ACTN1: variants seen among roughly 807,000 people sequenced by gnomAD.
The protein encoded by ACTN1 is alpha-actinin-1.
In ACTN1, 30 loss-of-function variants were observed where a neutral mutation model predicts 119.6. The observed-to-expected ratio is 0.25, with a 90% CI of 0.19 to 0.34. ACTN1 has a LOEUF of 0.34. Ranked by LOEUF, ACTN1 falls within the 10% of genes least tolerant of loss-of-function variation. ACTN1 has a pLI of 1.00. For synonymous variants in ACTN1, 429 were observed against 472.6 expected (o/e 0.91, Z 1.20); for missense variants, 764 against 1,223.4 (o/e 0.62, Z 5.60).
intron 1 of ACTN1, among the ~76,000 whole-genome samples, chr14:68,953,642 G>C (rs2036244141): frequency 6.6e-6 from 1 of 151,818 alleles, no homozygotes; most frequent in African/African-American, 2.4e-5. Context: ...ACTTTGGGAG[G>C]CCGAGGCAGG....
At chr14:68,941,992 A>G (rs1007032047) in intron 1 of ACTN1, among the ~76,000 whole-genome samples, 3 of 152,290 alleles carry the variant, frequency 2.0e-5, no homozygotes, top group African/African-American at 7.2e-5. Context: ...CAGCAGCCAC[A>G]TGACTTTGCA....
rs983966167 is a variant in ACTN1 at position 68,878,846 on chromosome 14, A to G, written c.2361+143T>C. The G allele has an allele frequency of 1.9e-6, 3 of 1,594,966 alleles. No homozygotes were observed. The highest frequency in any genetic ancestry group is 3.3e-5 in the Admixed American group (2 of 59,798). ...AGAGGGTGGACCAGTGATGGGGCAG[A>G]CAGAGACAGCAGGAGAGGACGAGCC... On this transcript the variant is annotated intron_variant, in intron 19 of 21. Transcript: ENST00000394419. The surrounding 1 kb of genome is among the most constrained non-coding windows in gnomAD (Gnocchi z 4.4).
chr14:68,915,797 A>G (rs1055200159), intron 3 of ACTN1, among the ~76,000 whole-genome samples: 5 of 152,218 alleles, frequency 3.3e-5, no homozygotes, highest in Non-Finnish European at 2.9e-5. Context: ...GGGACAGATC[A>G]CTTGAGGTCA....
intron 1 of ACTN1, among the ~76,000 whole-genome samples, chr14:68,950,841 A>G (rs2140537623): frequency 6.6e-6 from 1 of 152,186 alleles, no homozygotes; most frequent in East Asian, 1.9e-4. Context: ...GATTACAGGC[A>G]TGAGCCACCA....
intron 8 of ACTN1, among the ~76,000 whole-genome samples, chr14:68,895,959 A>G (rs1222968223): frequency 1.3e-5 from 2 of 152,132 alleles, no homozygotes; most frequent in African/African-American, 4.8e-5. Flanking sequence ...ATCCAACCGC[A>G]TTCCCAAGCC....
At position 68,874,810 on chromosome 14, in the gene ACTN1, T is replaced by A. The variant is rs753420287; in HGVS notation, c.*49A>T. On this transcript the variant is annotated 3_prime_UTR_variant, in exon 22 of 22. Transcript: ENST00000394419. ...GGCAGGAGATGGGCGACGGCGGAGG[T>A]GCAAGGCAGGGCACGGCGCACAAGA... 6.7e-7 allele frequency: 1 copy of A among 1,487,642 alleles called. No homozygotes were observed. 92.2% of individuals were successfully genotyped at this position (1,487,642 alleles called of 1,614,324 possible).
At chr14:68,933,192 G>A (rs2035313000) in intron 1 of ACTN1, among the ~76,000 whole-genome samples, 1 of 152,102 alleles carries the variant, frequency 6.6e-6, no homozygotes, top group Admixed American at 6.5e-5. Context: ...GGAGTGCAGT[G>A]GTGCGATCTC....
chr14:68,923,389 G>C (rs191063818), intron 2 of ACTN1, among the ~76,000 whole-genome samples: 5 of 152,314 alleles, frequency 3.3e-5, no homozygotes, highest in South Asian at 2.1e-4. Flanking sequence ...TTAGGGGAGA[G>C]AGGAAGGGTG....
intron 1 of ACTN1, 93 bp downstream of exon 1, chr14:68,978,859 T>G: frequency 4.6e-6 from 4 of 863,230 alleles, no homozygotes; most frequent in Admixed American, 3.2e-5. Context: ...CCGGAACCGG[T>G]TCAGAGCCCG....
Position 68,910,047 on chromosome 14 carries a change from G to A in ACTN1, c.428-5C>T. 1 of 1,612,842 alleles carries A rather than the reference G, an allele frequency of 6.2e-7. No individual in the cohort carries two copies. The highest frequency in any genetic ancestry group is 1.1e-5 in the South Asian group (1 of 90,994). ...GCCCTTCCTTGGCTGAAGTCTCTAT[G>A]GGGAAGGGGATGGGCAGCGAGGTCA... On this transcript the variant is annotated splice_polypyrimidine_tract_variant and splice_region_variant and intron_variant, in intron 4 of 21. Coordinates refer to ENST00000394419, the MANE Select transcript of ACTN1 (RefSeq NM_001130004.2).
rs2031857304 is a variant in ACTN1, at chr14:68,884,830, C to A, written c.1439G>T (p.Cys480Phe). 6.2e-7 allele frequency: 1 copy of A among 1,614,080 alleles called. No homozygotes were observed. Among genetic ancestry groups the A allele is most frequent in the African/African-American group, 1.3e-5 (1 of 74,930 alleles). ...PSVNARCQKICDQWDNLGALT... is the reference protein window; with the variant it reads ...PSVNARCQKIFDQWDNLGALT... ...GGCCCCCAGATTGTCCCACTGGTCA[C>A]AGATCTTTTGGCAACGGGCGTTGAC... The change falls in exon 13 of 22, where the codon TGT (cysteine) becomes TTT (phenylalanine). Residue 480 changes from cysteine to phenylalanine, a missense_variant. Transcript: ENST00000394419.
In ACTN1 at chr14:68,874,989, C is replaced by T. The variant is rs771575455; in HGVS notation, c.2615G>A (p.Arg872His). The change falls in exon 22 of 22, where the codon CGC becomes CAC. Residue 872 changes from arginine to histidine, a missense_variant. Transcript: ENST00000394419. The stretch of plus-strand genomic sequence containing the variant: ...CTCAGCCTGGTCGGGTGGCAGCTCG[C>T]GGCGCAGCTCGTCCATGGTAATGTA... ...KNYITMDELR[R>H]ELPPDQAEYC... The T allele has an allele frequency of 8.7e-6, 14 of 1,613,568 alleles. No individual in the cohort carries two copies. Among genetic ancestry groups the T allele is most frequent in the South Asian group, 2.2e-5 (2 of 91,084 alleles).
intron 1 of ACTN1, among the ~76,000 whole-genome samples, chr14:68,937,062 T>C (rs2035561681): frequency 6.6e-6 from 1 of 152,144 alleles, no homozygotes; most frequent in Admixed American, 6.5e-5. Flanking sequence ...CCTCCTTCCT[T>C]TTTCCCTTGC....
At chr14:68,978,813 A>T (rs2037161676) in intron 1 of ACTN1, 139 bp downstream of exon 1, 3 of 509,028 alleles carry the variant, frequency 5.9e-6, no homozygotes, top group Non-Finnish European at 9.8e-6. Flanking sequence ...CCCACCTCGC[A>T]ACGGCCGCAC....
intron 1 of ACTN1, among the ~76,000 whole-genome samples, chr14:68,976,255 T>C (rs980968783): frequency 7.9e-5 from 12 of 152,192 alleles, no homozygotes; most frequent in Admixed American, 3.9e-4. Flanking sequence ...CTCTACACTG[T>C]GTCCTCCTCT....
In ACTN1 at chr14:68,874,796, G is replaced by C. The variant is rs1465731435; in HGVS notation, c.*63C>G. 3 of 1,439,214 alleles carry C rather than the reference G, an allele frequency of 2.1e-6. No individual in the cohort carries two copies. The highest frequency in any genetic ancestry group is 4.8e-5 in the Admixed American group (2 of 41,444). The allele number at this position is 1,439,214 out of a possible 1,614,324, so 89.2% of individuals were successfully genotyped here. On this transcript the variant is annotated 3_prime_UTR_variant, in exon 22 of 22. Coordinates refer to ENST00000394419, the MANE Select transcript of ACTN1 (RefSeq NM_001130004.2). ...TGAAACCGAACCCAGGCAGGAGATG[G>C]GCGACGGCGGAGGTGCAAGGCAGGG...
intron 1 of ACTN1, among the ~76,000 whole-genome samples, chr14:68,967,799 G>A (rs1388128587): frequency 6.6e-6 from 1 of 152,172 alleles, no homozygotes; most frequent in Non-Finnish European, 1.5e-5. Flanking sequence ...GGCGGAGTGG[G>A]GCTCATCGTG....
Position 68,885,489 on chromosome 14 carries a change from C to G in ACTN1, c.1321G>C (p.Glu441Gln). The stretch of plus-strand genomic sequence containing the variant: ...TCCTGGTGGGCAGCCAGGTCACTCT[C>G]GAAGGCCTCATGCTTCTTGAGCAGG... Reference protein sequence around the residue: ...KALLKKHEAFESDLAAHQDRV... With the variant: ...KALLKKHEAFQSDLAAHQDRV... The change falls in exon 12 of 22, where the codon GAG becomes CAG. Residue 441 changes from glutamate to glutamine, a missense_variant. Physicochemically the swap from Glu to Gln is conservative, Grantham distance 29 (BLOSUM62 2). This residue lies in a region of ACTN1 where 544 missense variants were observed against 912.0 expected (regional missense o/e 0.60). Coordinates refer to ENST00000394419, the MANE Select transcript of ACTN1 (RefSeq NM_001130004.2). The surrounding 1 kb of genome is among the most constrained non-coding windows in gnomAD (Gnocchi z 5.6). 1.2e-6 allele frequency: 2 copies of G among 1,614,142 alleles called. No individual in the cohort carries two copies. The highest frequency in any genetic ancestry group is 1.7e-6 in the Non-Finnish European group (2 of 1,180,022).
chr14:68,882,926 T>C lies in ACTN1; in HGVS notation c.1765A>G (p.Thr589Ala). ...GGCGTGATGGTTGTGTAGGGGTTGGTGCCCGCCATATTGACGTGGTAGGTC... is the reference window on the plus strand; with the variant it reads ...GGCGTGATGGTTGTGTAGGGGTTGGCGCCCGCCATATTGACGTGGTAGGTC... ...VQTYHVNMAG[T>A]NPYTTITPQE... Residue 589 changes from threonine to alanine, a missense_variant, in exon 15 of 22, where the codon ACC becomes GCC. Thr to Ala is a moderately conservative substitution (Grantham distance 58). This residue lies in a region of ACTN1 where 544 missense variants were observed against 912.0 expected (regional missense o/e 0.60). Coordinates refer to ENST00000394419, the MANE Select transcript of ACTN1 (RefSeq NM_001130004.2). The surrounding 1 kb of genome is among the most constrained non-coding windows in gnomAD (Gnocchi z 4.5). 6.2e-7 allele frequency: 1 copy of C among 1,614,136 alleles called. No homozygotes were observed. The highest frequency in any genetic ancestry group is 8.5e-7 in the Non-Finnish European group (1 of 1,180,032).
Sources: gnomAD v4.1 joint callset for allele counts (sites outside exome capture counted in the v4.1 genomes callset) on GRCh38, gnomAD v4.1.1 for gene constraint, gnomAD v4.1.1 regional missense constraint, Gnocchi (gnomAD v3.1) non-coding constraint, MANE v1.5 for transcripts, NCBI Gene and HGNC (gene_info 2026-07-23, HGNC 2026-07-21) for gene names.